ZC3H12D: variants seen among roughly 807,000 people sequenced by gnomAD.
The protein encoded by ZC3H12D is probable ribonuclease ZC3H12D.
In ZC3H12D, 11 loss-of-function variants were observed where a neutral mutation model predicts 24.2. The ratio of observed to expected loss-of-function variants is 0.46; its 90% CI spans 0.29 to 0.75. The LOEUF is 0.75. ZC3H12D is among the 30% of genes least tolerant of loss of function. The probability of loss-of-function intolerance (pLI) is 0.11; values close to 1 mark genes in which losing one functional copy is unlikely to be tolerated. For synonymous variants in ZC3H12D, 333 were observed against 341.8 expected, an observed-to-expected ratio of 0.97 and a Z score of 0.28; for missense variants, 740 against 767.7, an observed-to-expected ratio of 0.96 and a Z score of 0.43.
Position 149,449,441 on chromosome 6 carries a change from C to CT in ZC3H12D, c.*1241dup, listed in dbSNP as rs57506869. On this transcript the variant is annotated 3_prime_UTR_variant, in exon 6 of 6. Transcript: ENST00000409806. ...ACAGAGTGACAGAGTGAGACTCTGT[C>CT]TTTTTTTTTTTTTTAAGACGGAGTC... 9,733 of 143,998 alleles carry CT rather than the reference C, an allele frequency of 0.068. 767 individuals carry two copies. Among genetic ancestry groups the CT allele is most frequent in the African/African-American group, 0.19 (7,618 of 39,426 alleles). 8.9% of individuals were successfully genotyped at this position (143,998 alleles called of 1,614,324 possible). A position where few individuals can be genotyped will look rare whatever the true frequency, so the allele number is the denominator to read the frequency against.
chr6:149,478,404 G>A (rs948537213), intron 1 of ZC3H12D, among the ~76,000 whole-genome samples: 1 of 150,188 alleles, frequency 6.7e-6, no homozygotes, highest in African/African-American at 2.4e-5. Flanking sequence ...TTTTTTTTTT[G>A]TTTTGGAAAA....
chr6:149,473,480 G>A (rs551696691), intron 2 of ZC3H12D, among the ~76,000 whole-genome samples: 24 of 152,312 alleles, frequency 1.6e-4, no homozygotes, highest in Non-Finnish European at 7.4e-5. Flanking sequence ...GCCCCACTTC[G>A]CCCAGCAGGG....
In ZC3H12D at chr6:149,450,698, G is replaced by T; in HGVS notation, c.1569C>A (p.Pro523=). The T allele has an allele frequency of 6.5e-7, 1 of 1,533,108 alleles. No individual in the cohort carries two copies. Among genetic ancestry groups the T allele is most frequent in the Non-Finnish European group, 8.8e-7 (1 of 1,137,640 alleles). The allele number at this position is 1,533,108 out of a possible 1,614,324, so 95.0% of individuals were successfully genotyped here. The stretch of plus-strand genomic sequence containing the variant: ...TGTTGGTCCCTTAGGGCTTGCCCAG[G>T]GGCGCCCCCGCGCTCTGGCATCTCT... ...LVQRCQSAGA[P]LGKP The change falls in exon 6 of 6, where the codon CCC becomes CCA. Residue 523 remains proline, a synonymous_variant. Coordinates refer to ENST00000409806, the MANE Select transcript of ZC3H12D (RefSeq NM_207360.3).
In ZC3H12D at chr6:149,452,347, C is replaced by A; in HGVS notation, c.787+269G>T. The A allele has an allele frequency of 2.7e-6, 1 of 372,422 alleles. No individual in the cohort carries two copies. The highest frequency in any genetic ancestry group is 4.2e-5 in the Admixed American group (1 of 23,860). 23.1% of individuals were successfully genotyped at this position (372,422 alleles called of 1,614,324 possible). ...GCAGCTGGGTTTGTGTCCAGGCTCC[C>A]GGCTTCTCAGACACAGCTTTGCTGT... is the stretch of plus-strand genomic sequence containing the variant. On this transcript the variant is annotated intron_variant, in intron 5 of 5. Transcript: ENST00000409806. The surrounding 1 kb of genome is among the most constrained non-coding windows in gnomAD (Gnocchi z 4.0).
At chr6:149,483,103 C>G (rs1208275373) in intron 1 of ZC3H12D, 1 of 152,512 alleles carries the variant, frequency 6.6e-6, no homozygotes, top group African/African-American at 2.4e-5. Flanking sequence ...AACTCAGCCA[C>G]CATGGTGAGG....
chr6:149,451,179 G>T lies in ZC3H12D; in HGVS notation c.1088C>A (p.Pro363Gln), dbSNP rs796932901. ...GGGCGTGAGGCTGCAGGCGGGGACC[G>T]GGAGAGGCGGCCCCAGGGGCCCCAG... Reference protein sequence around the residue: ...DDLGPLGPPLPVPACSLTPRL... With the variant: ...DDLGPLGPPLQVPACSLTPRL... Residue 363 changes from proline (P) to glutamine (Q), a missense_variant, in exon 6 of 6, where the codon CCG (proline) becomes CAG (glutamine). By Grantham distance (76) the Pro-to-Gln change is moderately conservative (BLOSUM62 -1). Transcript: ENST00000409806. The T allele has an allele frequency of 7.6e-7, 1 of 1,313,194 alleles. No homozygotes were observed. 81.3% of individuals were successfully genotyped at this position (1,313,194 alleles called of 1,614,324 possible). A position where few individuals can be genotyped will look rare whatever the true frequency, so the allele number is the denominator to read the frequency against.
intron 1 of ZC3H12D, among the ~76,000 whole-genome samples, chr6:149,482,467 C>G (rs1776442134): frequency 1.3e-5 from 2 of 152,234 alleles, no homozygotes; most frequent in South Asian, 2.1e-4. Flanking sequence ...CTTAGAAAAT[C>G]CTCCAAGTGG....
At position 149,456,832 on chromosome 6, in the gene ZC3H12D, C is replaced by G. The variant is rs371797237; in HGVS notation, c.514G>C (p.Gly172Arg). The change falls in exon 4 of 6, where the codon GGC (glycine) becomes CGC (arginine). Residue 172 changes from glycine to arginine, a missense_variant. Gly to Arg is a moderately radical substitution (Grantham distance 125). Transcript: ENST00000409806. This position sits in a 1 kb window ranked among gnomAD's most constrained non-coding sequence, Gnocchi z 4.3. ...TCGTCGTAGCAGACCAGGCGCTTGCCGTGCACCTTGCGGGACGGCGTGTAC... is the reference window on the plus strand; with the variant it reads ...TCGTCGTAGCAGACCAGGCGCTTGCGGTGCACCTTGCGGGACGGCGTGTAC... ...LVYTPSRKVH[G>R]KRLVCYDDRY... 1.9e-6 allele frequency: 3 copies of G among 1,611,704 alleles called. No individual in the cohort carries two copies. The highest frequency in any genetic ancestry group is 2.5e-6 in the Non-Finnish European group (3 of 1,179,746).
intron 4 of ZC3H12D, among the ~76,000 whole-genome samples, chr6:149,453,553 G>A (rs575141447): frequency 3.9e-5 from 6 of 152,200 alleles, no homozygotes; most frequent in South Asian, 2.1e-4. Flanking sequence ...GCTTGAACCC[G>A]GGAGGCGAAG....
intron 2 of ZC3H12D, among the ~76,000 whole-genome samples, chr6:149,465,946 T>C (rs946003181): frequency 6.6e-6 from 1 of 151,838 alleles, no homozygotes; most frequent in African/African-American, 2.4e-5. Flanking sequence ...GGCTGAACCT[T>C]TGTTTTTCAG....
chr6:149,468,042 C>A (rs770409021), intron 2 of ZC3H12D, among the ~76,000 whole-genome samples: 2 of 152,126 alleles, frequency 1.3e-5, no homozygotes, highest in Non-Finnish European at 2.9e-5. Context: ...AGTGCAATGG[C>A]GCAATCTCAG....
At chr6:149,475,588 C>T (rs898929767) in intron 1 of ZC3H12D, among the ~76,000 whole-genome samples, 12 of 152,100 alleles carry the variant, frequency 7.9e-5, no homozygotes, top group Non-Finnish European at 1.8e-4. Flanking sequence ...TGGTGGCGCA[C>T]GCCTGTAATC....
chr6:149,451,313 G>T lies in ZC3H12D; in HGVS notation c.954C>A (p.Ala318=). ...CAAATGGTTCCCGGGGGGCCGCCCG[G>T]GCTCCTGCGGAGCCGCCCGGGGCTC... ...PPRAPGGSAG[A]RAAPREPFAH... is the part of the protein sequence containing the mutation. Residue 318 remains alanine (A), a synonymous_variant, in exon 6 of 6, where the codon GCC becomes GCA. Transcript: ENST00000409806. 1 of 1,335,258 alleles carries T rather than the reference G, an allele frequency of 7.5e-7. No individual in the cohort carries two copies. The highest frequency in any genetic ancestry group is 9.5e-7 in the Non-Finnish European group (1 of 1,052,958). The allele number at this position is 1,335,258 out of a possible 1,614,324, so 82.7% of individuals were successfully genotyped here.
Position 149,450,542 on chromosome 6 carries a change from G to C in ZC3H12D, c.*141C>G. ...GCCCCCACAACCCCGCTCAGGAGGAGGAAGCAGGCTTCCCTGACCATCTTT... is the reference window on the plus strand; with the variant it reads ...GCCCCCACAACCCCGCTCAGGAGGACGAAGCAGGCTTCCCTGACCATCTTT... On this transcript the variant is annotated 3_prime_UTR_variant, in exon 6 of 6. Transcript: ENST00000409806. The C allele has an allele frequency of 1.1e-6, 1 of 909,468 alleles. No homozygotes were observed. Among genetic ancestry groups the C allele is most frequent in the Admixed American group, 3.1e-5 (1 of 32,126 alleles). The allele number at this position is 909,468 out of a possible 1,614,324, so 56.3% of individuals were successfully genotyped here.
Position 149,447,184 on chromosome 6 carries a change from G to A in ZC3H12D, c.*3499C>T, listed in dbSNP as rs1465514370. The A allele has an allele frequency of 6.6e-6, 1 of 152,244 alleles. No individual in the cohort carries two copies. The highest frequency in any genetic ancestry group is 1.5e-5 in the Non-Finnish European group (1 of 68,086). The allele number at this position is 152,244 out of a possible 1,614,324, so 9.4% of individuals were successfully genotyped here. A position where few individuals can be genotyped will look rare whatever the true frequency, so the allele number is the denominator to read the frequency against. The stretch of plus-strand genomic sequence containing the variant: ...ATTTGAGCCCCTCACATCCCCCCAG[G>A]TGGAACAACACAGAACTGCGGCTGC... On this transcript the variant is annotated 3_prime_UTR_variant, in exon 6 of 6. Coordinates refer to ENST00000409806, the MANE Select transcript of ZC3H12D (RefSeq NM_207360.3).
At chr6:149,461,201 T>C (rs575389519) in intron 3 of ZC3H12D, among the ~76,000 whole-genome samples, 106 of 151,790 alleles carry the variant, frequency 7.0e-4, no homozygotes, top group African/African-American at 2.4e-3. Context: ...ATTAGTTGGG[T>C]GTGGTGGCAC....
At chr6:149,464,941 G>A (rs1028925075) in intron 2 of ZC3H12D, among the ~76,000 whole-genome samples, 1 of 152,230 alleles carries the variant, frequency 6.6e-6, no homozygotes, top group African/African-American at 2.4e-5. Flanking sequence ...CTTCTCCCGA[G>A]AAGCCTGGCA....
intron 3 of ZC3H12D, among the ~76,000 whole-genome samples, chr6:149,458,148 T>TTTTTTTTTTTTTTTCTTTTTTC (rs1562472760): frequency 7.8e-6 from 1 of 128,082 alleles, no homozygotes; most frequent in African/African-American, 3.6e-5. Context: ...TTTTTTTTTT[T>TTTTTTTTTTTTTTTCTTTTTTC]TTTTTGAGAC....
Position 149,466,736 on chromosome 6 carries a change from C to T in ZC3H12D, c.306-4766G>A, listed in dbSNP as rs1247156677. ...ACTAAAAATACAAAAATCAGCCAGGCGTGGTGGCGCATGCCTGTAATCCCA... is the reference window on the plus strand; with the variant it reads ...ACTAAAAATACAAAAATCAGCCAGGTGTGGTGGCGCATGCCTGTAATCCCA... On this transcript the variant is annotated intron_variant, in intron 2 of 5. Coordinates refer to ENST00000409806, the MANE Select transcript of ZC3H12D (RefSeq NM_207360.3). 3.9e-5 allele frequency among the ~76,000 whole-genome samples: 6 copies of T among 151,986 alleles called. No homozygotes were observed. In the East Asian group the frequency reaches 7.7e-4, roughly 20 times the overall value.
Sources: gnomAD v4.1 joint callset for allele counts (sites outside exome capture counted in the v4.1 genomes callset) on GRCh38, gnomAD v4.1.1 for gene constraint, Gnocchi (gnomAD v3.1) non-coding constraint, MANE v1.5 for transcripts, NCBI Gene and HGNC (gene_info 2026-07-23, HGNC 2026-07-21) for gene names.